Variants in MAPK10 observed in about 807,000 individuals in gnomAD.
MAPK10 encodes JNK3 alpha protein kinase.
In MAPK10, 25 loss-of-function variants were observed where a neutral mutation model predicts 59.3. The observed-to-expected ratio is 0.42, with a 90% CI of 0.31 to 0.59. The LOEUF (loss-of-function observed/expected upper bound fraction) is 0.59, where lower values mean the gene tolerates loss of function less well. Ranked by LOEUF, MAPK10 falls within the 20% of genes least tolerant of loss-of-function variation. The pLI is 0.15. For missense variants in MAPK10, 351 were observed against 568.9 expected (o/e 0.62, Z 3.90); for synonymous variants, 190 against 200.5 (o/e 0.95, Z 0.44).
chr4:86,237,308 A>G (rs1046990203), intron 2 of MAPK10, among the ~76,000 whole-genome samples: 1 of 152,196 alleles, frequency 6.6e-6, no homozygotes, highest in Non-Finnish European at 1.5e-5. Context: ...TAGTGCTGCA[A>G]TAAACATATG....
intron 11 of MAPK10, among the ~76,000 whole-genome samples, chr4:86,058,207 A>C (rs2045015233): frequency 6.7e-6 from 1 of 149,610 alleles, no homozygotes; most frequent in Non-Finnish European, 1.5e-5. Flanking sequence ...TAACATCTAA[A>C]GTCTTCTCCT....
intron 1 of MAPK10, among the ~76,000 whole-genome samples, chr4:86,491,090 T>A (rs1393317296): frequency 1.3e-5 from 2 of 152,184 alleles, no homozygotes; most frequent in Non-Finnish European, 2.9e-5. Context: ...TTCTTGGCTA[T>A]CCCATGCATG....
intron 1 of MAPK10, among the ~76,000 whole-genome samples, chr4:86,584,831 C>G (rs1373257700): frequency 6.6e-6 from 1 of 152,116 alleles, no homozygotes; most frequent in African/African-American, 2.4e-5. Flanking sequence ...TTAACAGATA[C>G]TTTAACTCTT....
chr4:86,067,745 G>C, intron 10 of MAPK10, 28 bp downstream of exon 10: 1 of 1,583,576 alleles, frequency 6.3e-7, no homozygotes, highest in Non-Finnish European at 8.6e-7. Flanking sequence ...CCTCATAGTT[G>C]TCCTCAAGTC....
chr4:86,089,936 C>T (rs1414469141), intron 9 of MAPK10, among the ~76,000 whole-genome samples: 1 of 152,040 alleles, frequency 6.6e-6, no homozygotes, highest in African/African-American at 2.4e-5. Flanking sequence ...AAAATGGGAT[C>T]GCTCAATGTG....
chr4:86,041,776 T>C (rs1467596955), intron 11 of MAPK10, among the ~76,000 whole-genome samples: 4 of 152,130 alleles, frequency 2.6e-5, no homozygotes, highest in Non-Finnish European at 5.9e-5. Context: ...TGAGATACCA[T>C]CTCATGCCAG....
At chr4:86,102,203 C>A in intron 6 of MAPK10, 171 bp from the exon 7 acceptor site, 2 of 534,122 alleles carry the variant, frequency 3.7e-6, no homozygotes. Context: ...GCTATACGAA[C>A]CCTACCAAAA....
intron 2 of MAPK10, among the ~76,000 whole-genome samples, chr4:86,302,436 C>A (rs115141810): frequency 6.6e-6 from 1 of 152,158 alleles, no homozygotes; most frequent in Admixed American, 6.5e-5. Flanking sequence ...CATTTGGCAA[C>A]ACCACACAGC....
Position 86,098,605 on chromosome 4 carries a change from G to A in MAPK10, c.731-10C>T. The A allele has an allele frequency of 6.3e-7, 1 of 1,597,272 alleles. No homozygotes were observed. Among genetic ancestry groups the A allele is most frequent in the East Asian group, 2.2e-5 (1 of 44,774 alleles). On this transcript the variant is annotated splice_polypyrimidine_tract_variant and intron_variant, in intron 8 of 13. Transcript: ENST00000641462. ...ACAGACCATATATCCACTAGAACAG[G>A]AGAGAGAGGGTAGTGAAGAAAAGGG...
chr4:86,576,411 T>C (rs1348359019), intron 1 of MAPK10, among the ~76,000 whole-genome samples: 1 of 152,080 alleles, frequency 6.6e-6, no homozygotes, highest in Non-Finnish European at 1.5e-5. Context: ...GAGTAGTTAA[T>C]AGCGTTATAA....
intron 9 of MAPK10, among the ~76,000 whole-genome samples, chr4:86,083,149 A>C (rs1252440172): frequency 2.6e-5 from 4 of 152,194 alleles, no homozygotes; most frequent in Admixed American, 6.5e-5. Flanking sequence ...GAGGCAGAGC[A>C]GGATGGCAAA....
intron 3 of MAPK10, among the ~76,000 whole-genome samples, chr4:86,168,916 T>C (rs942384614): frequency 1.3e-5 from 2 of 152,170 alleles, no homozygotes; most frequent in African/African-American, 4.8e-5. Context: ...AAAAATCCAC[T>C]GTTCCGAAGC....
At chr4:86,248,342 C>T (rs576794614) in intron 2 of MAPK10, among the ~76,000 whole-genome samples, 8 of 152,242 alleles carry the variant, frequency 5.3e-5, no homozygotes, top group African/African-American at 1.7e-4. Context: ...CTCACAATCT[C>T]GTGTGAGATA....
intron 1 of MAPK10, among the ~76,000 whole-genome samples, chr4:86,536,894 T>C (rs1191439664): frequency 6.6e-6 from 1 of 152,192 alleles, no homozygotes; most frequent in African/African-American, 2.4e-5. Flanking sequence ...TATAAAGCCT[T>C]TCAGCAGAGA....
At chr4:86,450,799 A>G (rs1373058305) in intron 1 of MAPK10, among the ~76,000 whole-genome samples, 2 of 152,246 alleles carry the variant, frequency 1.3e-5, no homozygotes, top group African/African-American at 4.8e-5. Flanking sequence ...TTTCAAAAAG[A>G]ACATTAAGAT....
At chr4:86,588,839 A>T (rs1322601468) in intron 1 of MAPK10, among the ~76,000 whole-genome samples, 1 of 152,188 alleles carries the variant, frequency 6.6e-6, no homozygotes, top group Non-Finnish European at 1.5e-5. Flanking sequence ...TAGAAACAAG[A>T]CTCAAATGCT....
At chr4:86,351,167 T>C (rs1370525836) in intron 2 of MAPK10, among the ~76,000 whole-genome samples, 1 of 152,074 alleles carries the variant, frequency 6.6e-6, no homozygotes, top group African/African-American at 2.4e-5. Context: ...TCTCATTGAA[T>C]TGTAGATTCA....
At chr4:86,540,790 G>C (rs1758626826) in intron 1 of MAPK10, among the ~76,000 whole-genome samples, 1 of 152,020 alleles carries the variant, frequency 6.6e-6, no homozygotes, top group Non-Finnish European at 1.5e-5. Context: ...TTCCAAATAG[G>C]TTTCTTGACA....
chr4:86,550,873 A>T (rs1759723764), intron 1 of MAPK10, among the ~76,000 whole-genome samples: 1 of 152,220 alleles, frequency 6.6e-6, no homozygotes, highest in South Asian at 2.1e-4. Flanking sequence ...CCTCATCAGC[A>T]CATGCTTCCA....
Sources: allele counts gnomAD v4.1 joint callset (sites outside exome capture counted in the v4.1 genomes callset), GRCh38; gene constraint gnomAD v4.1.1; transcripts MANE v1.5; gene names NCBI Gene and HGNC (gene_info 2026-07-23, HGNC 2026-07-21).